CD2AP: variants seen among roughly 807,000 people sequenced by gnomAD.
CD2AP encodes the protein CD2-associated protein.
CD2AP carries 46 observed loss-of-function variants against 85.1 expected under a neutral mutation model. The observed-to-expected ratio is 0.54, with a 90% CI of 0.43 to 0.69. CD2AP has a LOEUF of 0.69. Among genes scored for constraint, CD2AP ranks in the 30% least tolerant of loss-of-function variants. The probability of loss-of-function intolerance (pLI) is 0.00; values close to 1 mark genes in which losing one functional copy is unlikely to be tolerated. For missense variants in CD2AP, 769 were observed against 729.5 expected, an observed-to-expected ratio of 1.05 and a Z score of -0.62; for synonymous variants, 255 against 252.9, an observed-to-expected ratio of 1.01 and a Z score of -0.08.
intron 5 of CD2AP, among the ~76,000 whole-genome samples, chr6:47,566,321 T>TACACACAC (rs765350094): frequency 1.2e-5 from 1 of 86,818 alleles, no homozygotes; most frequent in South Asian, 4.7e-4. Flanking sequence ...TATATATATA[T>TACACACAC]ATACACATAC....
At chr6:47,581,002 G>A in intron 10 of CD2AP, 102 bp downstream of exon 10, 2 of 823,390 alleles carry the variant, frequency 2.4e-6, no homozygotes, top group South Asian at 2.9e-5. Context: ...TATCAAGTAT[G>A]ATGTCTGTAA....
At chr6:47,602,897 C>G (rs1367761769) in intron 13 of CD2AP, among the ~76,000 whole-genome samples, 1 of 151,376 alleles carries the variant, frequency 6.6e-6, no homozygotes, top group Non-Finnish European at 1.5e-5. Context: ...GAGACCCTGT[C>G]TCAAAAATAA....
intron 11 of CD2AP, among the ~76,000 whole-genome samples, chr6:47,590,490 G>A (rs1382956583): frequency 6.6e-6 from 1 of 152,136 alleles, no homozygotes; most frequent in Non-Finnish European, 1.5e-5. Context: ...AACAACATGA[G>A]TTTGAACTAT....
chr6:47,594,159 C>T (rs1367657766), intron 11 of CD2AP, among the ~76,000 whole-genome samples: 1 of 152,000 alleles, frequency 6.6e-6, no homozygotes, highest in African/African-American at 2.4e-5. Flanking sequence ...GGGTTATCTT[C>T]TGGGGTGTTG....
rs1562042119 is a variant in CD2AP at position 47,580,893 on chromosome 6, G to T, written c.1038G>T (p.Lys346Asn). The T allele has an allele frequency of 1.2e-6, 2 of 1,606,156 alleles. No individual in the cohort carries two copies. The highest frequency in any genetic ancestry group is 2.2e-5 in the South Asian group (2 of 90,808). The change falls in exon 10 of 18, where the codon AAG becomes AAT. Residue 346 changes from lysine (K) to asparagine (N), a missense_variant. Lys to Asn is a moderately conservative substitution (Grantham distance 94). Transcript: ENST00000359314. ...CAAAGAAACCACCACCTCCTGCTAA[G>T]GCTCCAGGTATGTAAGAAGCATATT... ...PKPKKPPPPA[K>N]APAPKPELIA...
intron 5 of CD2AP, among the ~76,000 whole-genome samples, chr6:47,568,167 G>T (rs1231087217): frequency 6.6e-6 from 1 of 152,154 alleles, no homozygotes; most frequent in East Asian, 1.9e-4. Context: ...TGCAGAGATA[G>T]GATATTGGGA....
At chr6:47,617,787 A>C (rs542863562) in intron 17 of CD2AP, among the ~76,000 whole-genome samples, 1 of 152,310 alleles carries the variant, frequency 6.6e-6, no homozygotes, top group African/African-American at 2.4e-5. Context: ...TACATGCTGA[A>C]TAAAGTTCCA....
At chr6:47,491,698 A>G (rs1373426183) in intron 1 of CD2AP, among the ~76,000 whole-genome samples, 3 of 152,172 alleles carry the variant, frequency 2.0e-5, no homozygotes, top group Admixed American at 6.5e-5. Context: ...AAAGCAGACT[A>G]GTAGAAAATC....
At chr6:47,602,919 G>A (rs746834207) in intron 13 of CD2AP, among the ~76,000 whole-genome samples, 11 of 151,798 alleles carry the variant, frequency 7.2e-5, no homozygotes, top group Admixed American at 6.6e-4. Context: ...CAAAAAAAAA[G>A]CAATTTTAAA....
intron 4 of CD2AP, among the ~76,000 whole-genome samples, chr6:47,552,885 C>G (rs532585825): frequency 6.6e-6 from 1 of 152,262 alleles, no homozygotes; most frequent in South Asian, 2.1e-4. Flanking sequence ...TTTATTTTAG[C>G]TATACCTTCC....
chr6:47,567,777 G>A (rs942423772), intron 5 of CD2AP, among the ~76,000 whole-genome samples: 4 of 152,206 alleles, frequency 2.6e-5, no homozygotes, highest in African/African-American at 9.7e-5. Flanking sequence ...AGATGTGAAT[G>A]TTGAGCCTGG....
chr6:47,579,334 T>TA lies in CD2AP; in HGVS notation c.904-37dup, dbSNP rs34735056. On this transcript the variant is annotated intron_variant, in intron 8 of 17. Coordinates refer to ENST00000359314, the MANE Select transcript of CD2AP (RefSeq NM_012120.3). ...TGGCCAACAGAGCAACACTTTATCT[T>TA]AAAAAAAAAAAAAAGGTCTATTGTC... is the stretch of plus-strand genomic sequence containing the variant. The TA allele has an allele frequency of 0.19, 144,611 of 779,950 alleles. 1,887 individuals are homozygous for TA. Among genetic ancestry groups the TA allele is most frequent in the Non-Finnish European group, 0.19 (92,546 of 475,770 alleles). The allele number at this position is 779,950 out of a possible 1,614,324, so 48.3% of individuals were successfully genotyped here.
Position 47,577,015 on chromosome 6 carries a change from A to T in CD2AP, c.815A>T (p.Glu272Val), listed in dbSNP as rs1679360605. The T allele has an allele frequency of 7.0e-7, 1 of 1,432,456 alleles. No homozygotes were observed. The highest frequency in any genetic ancestry group is 9.9e-7 in the Non-Finnish European group (1 of 1,014,654). 88.7% of individuals were successfully genotyped at this position (1,432,456 alleles called of 1,614,324 possible). A position where few individuals can be genotyped will look rare whatever the true frequency, so the allele number is the denominator to read the frequency against. The change falls in exon 8 of 18, where the codon GAA becomes GTA. Residue 272 changes from glutamate to valine, a missense_variant. Glu to Val is a moderately radical substitution (Grantham distance 121). Coordinates refer to ENST00000359314, the MANE Select transcript of CD2AP (RefSeq NM_012120.3). ...TDTEGKIKAKEYCRTLFAYEG... is the reference protein window; with the variant it reads ...TDTEGKIKAKVYCRTLFAYEG... ...TTTACATTCTTTATTTCAGCTAAAG[A>T]ATATTGTAGAACATTATTTGCCTAT... is the stretch of plus-strand genomic sequence containing the variant.
intron 2 of CD2AP, among the ~76,000 whole-genome samples, chr6:47,521,344 G>A (rs1327064482): frequency 3.3e-5 from 5 of 152,166 alleles, no homozygotes; most frequent in African/African-American, 1.2e-4. Flanking sequence ...CTCAGGTCAG[G>A]AGTTTGAGAC....
chr6:47,496,804 G>T (rs1274380940), intron 1 of CD2AP, among the ~76,000 whole-genome samples: 1 of 151,952 alleles, frequency 6.6e-6, no homozygotes, highest in Non-Finnish European at 1.5e-5. Context: ...GTTGATTTTG[G>T]TTTATTTTTA....
chr6:47,533,542 G>T (rs2114025542), intron 2 of CD2AP, 60 bp from the exon 3 acceptor site: 3 of 1,508,002 alleles, frequency 2.0e-6, no homozygotes, highest in Non-Finnish European at 2.7e-6. Context: ...TTTTACATTT[G>T]AGGATTTAAT....
intron 3 of CD2AP, among the ~76,000 whole-genome samples, chr6:47,538,217 G>T (rs1283832106): frequency 2.0e-5 from 3 of 152,030 alleles, no homozygotes; most frequent in African/African-American, 7.2e-5. Flanking sequence ...GCTTATTGAA[G>T]AAATAAATTG....
Position 47,513,897 on chromosome 6 carries a change from G to C in CD2AP, c.165+10457G>C, listed in dbSNP as rs191271162. 7.3e-4 allele frequency among the ~76,000 whole-genome samples: 109 copies of C among 148,300 alleles called. 2 individuals are homozygous for C. The Middle Eastern group carries it at 0.014, about 19-fold the overall frequency. On this transcript the variant is annotated intron_variant, in intron 2 of 17. Transcript: ENST00000359314. ...CTTTAAAAAAAATTTTTTTTTGGGGGGGGGGCTAGCCTTACAGATGTACAG... is the reference window on the plus strand; with the variant it reads ...CTTTAAAAAAAATTTTTTTTTGGGGCGGGGGCTAGCCTTACAGATGTACAG...
chr6:47,617,815 G>A (rs973726452), intron 17 of CD2AP, among the ~76,000 whole-genome samples: 12 of 152,254 alleles, frequency 7.9e-5, no homozygotes, highest in African/African-American at 2.6e-4. Context: ...ACTATATGAG[G>A]TGTTTTTATA....
Sources: allele counts gnomAD v4.1 joint callset (sites outside exome capture counted in the v4.1 genomes callset), GRCh38; gene constraint gnomAD v4.1.1; transcripts MANE v1.5; gene names NCBI Gene and HGNC (gene_info 2026-07-23, HGNC 2026-07-21).